CEP128: variants seen among roughly 807,000 people sequenced by gnomAD.
CEP128 encodes centrosomal protein 128kDa.
A neutral mutation model predicts 156.7 loss-of-function variants in CEP128; 132 were observed. The observed-to-expected ratio is 0.84, with a 90% CI of 0.73 to 0.97. CEP128 has a LOEUF of 0.97. Among genes scored for constraint, CEP128 ranks in the 50% least tolerant of loss-of-function variants. The pLI is 0.00. For missense variants in CEP128, 1,252 were observed against 1,281.9 expected (o/e 0.98, Z 0.36); for synonymous variants, 469 against 448.9 (o/e 1.04, Z -0.57).
At position 80,677,628 on chromosome 14, in the gene CEP128, T is replaced by TA. The variant is rs776302047; in HGVS notation, c.2806+65446dup. On this transcript the variant is annotated intron_variant, in intron 19 of 24. Coordinates refer to ENST00000555265, the MANE Select transcript of CEP128 (RefSeq NM_152446.5). ...TGAAAGACAAGTAATGCTACTTAGT[T>TA]AAAAAAAAAATCACTTAAGGAAGTT... Among the ~76,000 whole-genome samples the TA allele has an allele frequency of 1.1e-3, 163 of 149,430 alleles. 1 individual carries two copies. The highest frequency in any genetic ancestry group is 2.4e-3 in the East Asian group (12 of 5,106).
intron 22 of CEP128, 80 bp downstream of exon 22, chr14:80,530,729 C>T: frequency 1.0e-6 from 1 of 997,620 alleles, no homozygotes; most frequent in Non-Finnish European, 1.5e-6. Context: ...CTTTTCTATA[C>T]TTTTCTTTGC....
chr14:80,846,224 G>T (rs1358399580), intron 9 of CEP128, among the ~76,000 whole-genome samples: 1 of 152,064 alleles, frequency 6.6e-6, no homozygotes, highest in Non-Finnish European at 1.5e-5. Context: ...TATGTGTCAG[G>T]CTTAAACACA....
At chr14:80,745,667 C>T (rs891250507) in intron 18 of CEP128, among the ~76,000 whole-genome samples, 36 of 152,166 alleles carry the variant, frequency 2.4e-4, no homozygotes, top group African/African-American at 8.4e-4. Flanking sequence ...CAGTAAAAGT[C>T]TGAATGCTTT....
intron 16 of CEP128, among the ~76,000 whole-genome samples, chr14:80,764,314 A>C (rs1237889282): frequency 6.6e-6 from 1 of 151,540 alleles, no homozygotes; most frequent in Non-Finnish European, 1.5e-5. Context: ...CTGGCTAACA[A>C]GGTGAAACCC....
intron 9 of CEP128, among the ~76,000 whole-genome samples, chr14:80,851,389 AG>A (rs1886880953): frequency 6.6e-6 from 1 of 152,144 alleles, no homozygotes; most frequent in South Asian, 2.1e-4. Context: ...GGAACGGGAA[AG>A]TTTTCCCTAA....
intron 20 of CEP128, among the ~76,000 whole-genome samples, chr14:80,571,207 G>A (rs771225722): frequency 2.6e-5 from 4 of 152,088 alleles, no homozygotes; most frequent in Non-Finnish European, 4.4e-5. Context: ...GGACCGCAGG[G>A]GTTAGATTCA....
At chr14:80,659,730 T>C (rs1405827831) in intron 19 of CEP128, among the ~76,000 whole-genome samples, 4 of 152,204 alleles carry the variant, frequency 2.6e-5, no homozygotes, top group Non-Finnish European at 5.9e-5. Context: ...CAGTGAAAAC[T>C]AGTGACTCAG....
chr14:80,769,025 TA>T (rs1263131634), intron 16 of CEP128, among the ~76,000 whole-genome samples: 3 of 152,166 alleles, frequency 2.0e-5, no homozygotes, highest in African/African-American at 7.2e-5. Flanking sequence ...TGCCTGGAAA[TA>T]GAAATAACAT....
At chr14:80,523,459 A>T (rs1284401198) in intron 23 of CEP128, among the ~76,000 whole-genome samples, 2 of 152,116 alleles carry the variant, frequency 1.3e-5, no homozygotes, top group African/African-American at 4.8e-5. Context: ...TGTATGAAGG[A>T]TTTAAATTCC....
intron 19 of CEP128, among the ~76,000 whole-genome samples, chr14:80,734,919 T>C (rs1419710474): frequency 1.4e-5 from 2 of 144,708 alleles, no homozygotes; most frequent in East Asian, 2.1e-4. Context: ...TTCAAGAGAA[T>C]ACATTCCTCT....
rs116231287 is a variant in CEP128 at position 80,857,051 on chromosome 14, T to A, written c.762+5706A>T. Among the ~76,000 whole-genome samples, 923 of 152,004 alleles carry A rather than the reference T, an allele frequency of 6.1e-3. 20 individuals carry two copies. The highest frequency in any genetic ancestry group is 0.021 in the African/African-American group (886 of 41,446). On this transcript the variant is annotated intron_variant, in intron 9 of 24. Coordinates refer to ENST00000555265, the MANE Select transcript of CEP128 (RefSeq NM_152446.5). Reference sequence around the variant, plus strand: ...GCATGAGTCACCATGCCCAGCCATGTTTTTCATTTTAAGTAATTCGGCTGA... The same window carrying A: ...GCATGAGTCACCATGCCCAGCCATGATTTTCATTTTAAGTAATTCGGCTGA...
At chr14:80,791,238 G>T (rs909016830) in intron 14 of CEP128, among the ~76,000 whole-genome samples, 1 of 151,926 alleles carries the variant, frequency 6.6e-6, no homozygotes, top group South Asian at 2.1e-4. Flanking sequence ...AATTTTTAAG[G>T]CTTTTAAAGG....
At chr14:80,555,698 G>A (rs1890403988) in intron 21 of CEP128, among the ~76,000 whole-genome samples, 1 of 151,958 alleles carries the variant, frequency 6.6e-6, no homozygotes, top group Non-Finnish European at 1.5e-5. Flanking sequence ...GGCTTCTGGG[G>A]CTCTTTCTAT....
chr14:80,819,113 T>A (rs1446688487), intron 13 of CEP128, among the ~76,000 whole-genome samples: 1 of 152,170 alleles, frequency 6.6e-6, no homozygotes, highest in East Asian at 1.9e-4. Flanking sequence ...AAGCTGGAAA[T>A]CAAAGATCTG....
At chr14:80,761,389 T>C in intron 17 of CEP128, 48 bp downstream of exon 17, 1 of 1,316,700 alleles carries the variant, frequency 7.6e-7, no homozygotes, top group Non-Finnish European at 1.1e-6. Context: ...CAATTATATA[T>C]TAGGAAACTA....
At chr14:80,780,664 T>C (rs2139784552) in intron 15 of CEP128, among the ~76,000 whole-genome samples, 1 of 152,284 alleles carries the variant, frequency 6.6e-6, no homozygotes, top group East Asian at 1.9e-4. Flanking sequence ...TCAAAGCACT[T>C]CCTCAAAAAA....
rs1306244574 is a variant in CEP128 at position 80,496,708 on chromosome 14, A to T, written c.*771T>A. On this transcript the variant is annotated 3_prime_UTR_variant, in exon 25 of 25. Coordinates refer to ENST00000555265, the MANE Select transcript of CEP128 (RefSeq NM_152446.5). ...AAGATTATATATAAATCTCATGGACAAAGGAGTTTGGTGCTATGATTTTAG... is the reference window on the plus strand; with the variant it reads ...AAGATTATATATAAATCTCATGGACTAAGGAGTTTGGTGCTATGATTTTAG... 2 of 152,160 alleles carry T rather than the reference A, an allele frequency of 1.3e-5. No homozygotes were observed. Among genetic ancestry groups the T allele is most frequent in the Non-Finnish European group, 2.9e-5 (2 of 68,006 alleles). 9.4% of individuals were successfully genotyped at this position (152,160 alleles called of 1,614,324 possible).
intron 2 of CEP128, among the ~76,000 whole-genome samples, chr14:80,931,467 G>A (rs928581402): frequency 6.6e-6 from 1 of 152,222 alleles, no homozygotes; most frequent in African/African-American, 2.4e-5. Context: ...GCTCTGTGAG[G>A]AGATGCAGAG....
chr14:80,761,762 A>C, intron 16 of CEP128, 149 bp from the exon 17 acceptor site: 1 of 503,416 alleles, frequency 2.0e-6, no homozygotes, highest in African/African-American at 1.9e-5. Flanking sequence ...AAAACACTTT[A>C]ATCTACTCAT....
Sources: gnomAD v4.1 joint callset for allele counts (sites outside exome capture counted in the v4.1 genomes callset) on GRCh38, gnomAD v4.1.1 for gene constraint, MANE v1.5 for transcripts, NCBI Gene and HGNC (gene_info 2026-07-23, HGNC 2026-07-21) for gene names.